WDR48: variants seen among roughly 807,000 people sequenced by gnomAD.
The protein encoded by WDR48 is WD repeat domain 48, also known as WD repeat-containing protein 48.
Under a neutral mutation model 94.0 loss-of-function variants are expected in WDR48, and 22 were observed. The ratio of observed to expected loss-of-function variants is 0.23; its 90% CI spans 0.17 to 0.33. The LOEUF is 0.33. Among genes scored for constraint, WDR48 ranks in the 10% least tolerant of loss-of-function variants. The probability of loss-of-function intolerance (pLI) is 1.00; values close to 1 mark genes in which losing one functional copy is unlikely to be tolerated. For synonymous variants in WDR48, 278 were observed against 280.5 expected (o/e 0.99, Z 0.09); for missense variants, 541 against 813.8 (o/e 0.66, Z 4.08).
intron 1 of WDR48, among the ~76,000 whole-genome samples, chr3:39,062,090 T>A (rs945066507): frequency 1.3e-5 from 2 of 152,172 alleles, no homozygotes; most frequent in Admixed American, 1.3e-4. Context: ...TTGCTGTGCA[T>A]AAGCTCTTTA....
At chr3:39,073,445 C>A (rs148884355) in intron 7 of WDR48, among the ~76,000 whole-genome samples, 21 of 152,052 alleles carry the variant, frequency 1.4e-4, no homozygotes, top group Non-Finnish European at 4.4e-5. Context: ...AATTTTTATT[C>A]CTGAAGGCCT....
chr3:39,088,122 T>C lies in WDR48; in HGVS notation c.1475-6T>C, dbSNP rs566688070. On this transcript the variant is annotated splice_polypyrimidine_tract_variant and splice_region_variant and intron_variant, in intron 14 of 18. Coordinates refer to ENST00000302313, the MANE Select transcript of WDR48 (RefSeq NM_020839.4). ...TGATATTAACACCACCTGCATCTTT[T>C]CCTAGTAAATGGGGAGCAGGAGAAC... The C allele has an allele frequency of 4.8e-5, 78 of 1,614,022 alleles. No individual in the cohort carries two copies. Among genetic ancestry groups the C allele is most frequent in the Non-Finnish European group, 6.6e-5 (78 of 1,179,916 alleles).
rs752418007 is a variant in WDR48 at position 39,094,063 on chromosome 3, C to T, written c.1935C>T (p.Asp645=). 45 of 1,610,528 alleles carry T rather than the reference C, an allele frequency of 2.8e-5. No individual in the cohort carries two copies. Among genetic ancestry groups the T allele is most frequent in the Admixed American group, 8.4e-5 (5 of 59,172 alleles). Residue 645 remains aspartate (D), a synonymous_variant, in exon 18 of 19, where the codon GAC becomes GAT. Transcript: ENST00000302313. ...AGAAAATTGAACTTTTGTGCCAGGA[C>T]CAGGTAAGTGGACTTGAGGACTACA... ...AEEKIELLCQ[D]QVLDPNMDLR...
At position 39,094,073 on chromosome 3, in the gene WDR48, G is replaced by C. The variant is rs777818975; in HGVS notation, c.1938+7G>C. On this transcript the variant is annotated splice_region_variant and intron_variant, in intron 18 of 18. Coordinates refer to ENST00000302313, the MANE Select transcript of WDR48 (RefSeq NM_020839.4). ...ACTTTTGTGCCAGGACCAGGTAAGT[G>C]GACTTGAGGACTACAGCCCCAATTT... 34 of 1,606,444 alleles carry C rather than the reference G, an allele frequency of 2.1e-5. No individual in the cohort carries two copies. The highest frequency in any genetic ancestry group is 2.9e-5 in the Non-Finnish European group (34 of 1,177,654).
At chr3:39,052,262 T>G in intron 1 of WDR48, 189 bp downstream of exon 1, 2 of 651,256 alleles carry the variant, frequency 3.1e-6, no homozygotes, top group South Asian at 2.0e-5. Flanking sequence ...TCGGCTTGCT[T>G]GGCCCTTGGG....
In WDR48 at chr3:39,079,799, T is replaced by C. The variant is rs2034424428; in HGVS notation, c.1164T>C (p.Asp388=). Residue 388 remains aspartate (D), a synonymous_variant, in exon 11 of 19, where the codon GAT becomes GAC. Coordinates refer to ENST00000302313, the MANE Select transcript of WDR48 (RefSeq NM_020839.4). ...KDTNNNVAYW[D]VLKACKVEDL... ...CCAATAATAATGTGGCATATTGGGA[T>C]GTATTGAAGGTGAGTATTTTTTTTG... The C allele has an allele frequency of 6.5e-7, 1 of 1,547,268 alleles. No individual in the cohort carries two copies. Among genetic ancestry groups the C allele is most frequent in the African/African-American group, 1.4e-5 (1 of 70,606 alleles).
At chr3:39,086,057 T>A (rs1575430728) in intron 14 of WDR48, among the ~76,000 whole-genome samples, 1 of 152,206 alleles carries the variant, frequency 6.6e-6, no homozygotes, top group Non-Finnish European at 1.5e-5. Flanking sequence ...CCTACCTGAT[T>A]TTGACTCTGT....
intron 2 of WDR48, among the ~76,000 whole-genome samples, chr3:39,063,638 C>T (rs1466610934): frequency 6.6e-6 from 1 of 152,138 alleles, no homozygotes; most frequent in African/African-American, 2.4e-5. Flanking sequence ...CCCCACACGG[C>T]CTAACTAGGT....
intron 8 of WDR48, among the ~76,000 whole-genome samples, chr3:39,075,692 C>T (rs187305684): frequency 4.0e-4 from 60 of 151,830 alleles, no homozygotes; most frequent in African/African-American, 1.3e-3. Context: ...AAGAAGTTTC[C>T]AAAATTTTTT....
intron 3 of WDR48, among the ~76,000 whole-genome samples, chr3:39,066,254 G>A (rs538415923): frequency 6.6e-6 from 1 of 152,258 alleles, no homozygotes; most frequent in South Asian, 2.1e-4. Flanking sequence ...CCTTGGTTTT[G>A]CAGTCCGAGT....
intron 10 of WDR48, among the ~76,000 whole-genome samples, chr3:39,078,663 C>G: frequency 6.6e-6 from 1 of 151,902 alleles, no homozygotes; most frequent in Non-Finnish European, 1.5e-5. Context: ...AAATGATCTG[C>G]CCGCCTCAGC....
At chr3:39,055,293 C>T (rs2032801370) in intron 1 of WDR48, among the ~76,000 whole-genome samples, 1 of 152,220 alleles carries the variant, frequency 6.6e-6, no homozygotes, top group Admixed American at 6.5e-5. Context: ...TCGAGACCAG[C>T]CTGGCCAACA....
chr3:39,070,258 ATTCTG>A (rs1239501567), intron 7 of WDR48, among the ~76,000 whole-genome samples: 3 of 152,256 alleles, frequency 2.0e-5, no homozygotes, highest in South Asian at 2.1e-4. Context: ...ATAAATCACA[ATTCTG>A]TTCTGTAGCA....
intron 8 of WDR48, 112 bp downstream of exon 8, chr3:39,075,062 AGGTTTGT>A: frequency 9.4e-7 from 1 of 1,058,644 alleles, no homozygotes; most frequent in South Asian, 1.7e-5. Flanking sequence ...CGGAGGGGGA[AGGTTTGT>A]AAAAAAGATA....
At chr3:39,074,646 A>T in intron 7 of WDR48, 80 bp from the exon 8 acceptor site, 3 of 1,350,738 alleles carry the variant, frequency 2.2e-6, no homozygotes, top group Non-Finnish European at 3.1e-6. Flanking sequence ...GACAGTGTGG[A>T]CTCGGGAGAA....
At chr3:39,077,030 A>G (rs2034262322) in intron 8 of WDR48, 109 bp from the exon 9 acceptor site, 1 of 1,210,332 alleles carries the variant, frequency 8.3e-7, no homozygotes. Context: ...GCCCAGGTAT[A>G]GTCACCACAA....
intron 7 of WDR48, among the ~76,000 whole-genome samples, 177 bp from the exon 8 acceptor site, chr3:39,074,549 A>T (rs1224860478): frequency 6.6e-6 from 1 of 152,266 alleles, no homozygotes; most frequent in Non-Finnish European, 1.5e-5. Flanking sequence ...TCCCAAAATT[A>T]CATAAATTTG....
chr3:39,055,648 A>G (rs958235766), intron 1 of WDR48, among the ~76,000 whole-genome samples: 2 of 152,340 alleles, frequency 1.3e-5, no homozygotes, highest in African/African-American at 2.4e-5. Flanking sequence ...TGTCAGAAAC[A>G]TAATCAAATA....
At chr3:39,078,874 C>G (rs1463713437) in intron 10 of WDR48, among the ~76,000 whole-genome samples, 1 of 151,450 alleles carries the variant, frequency 6.6e-6, no homozygotes, top group African/African-American at 2.4e-5. Flanking sequence ...ACTAAAAATA[C>G]AAAAAATTAG....
Sources: gnomAD v4.1 joint callset for allele counts (sites outside exome capture counted in the v4.1 genomes callset) on GRCh38, gnomAD v4.1.1 for gene constraint, MANE v1.5 for transcripts, NCBI Gene and HGNC (gene_info 2026-07-23, HGNC 2026-07-21) for gene names.